MAD1L1: variants seen among roughly 807,000 people sequenced by gnomAD.
MAD1L1 encodes mitotic arrest deficient 1 like 1, also known as mitotic spindle assembly checkpoint protein MAD1.
A neutral mutation model predicts 96.9 loss-of-function variants in MAD1L1; 95 were observed. The ratio of observed to expected loss-of-function variants is 0.98; its 90% confidence interval spans 0.83 to 1.16. The LOEUF (loss-of-function observed/expected upper bound fraction) is 1.16. Among genes scored for constraint, MAD1L1 ranks in the 50% most tolerant of loss-of-function variants. MAD1L1 has a pLI of 0.00. For missense variants in MAD1L1, 1,007 were observed against 954.4 expected (o/e 1.06, Z -0.73); for synonymous variants, 473 against 396.6 (o/e 1.19, Z -2.29).
intron 11 of MAD1L1, among the ~76,000 whole-genome samples, chr7:2,092,254 C>T (rs538524931): frequency 1.3e-5 from 2 of 152,234 alleles, no homozygotes; most frequent in Admixed American, 1.3e-4. Flanking sequence ...TCCTGAGCAT[C>T]CTCTTTTTAT....
intron 10 of MAD1L1, among the ~76,000 whole-genome samples, chr7:2,188,846 A>C (rs942560860): frequency 6.6e-6 from 1 of 152,232 alleles, no homozygotes; most frequent in Admixed American, 6.5e-5. Context: ...ATCTTGGTAA[A>C]TTTTTAAATT....
chr7:1,914,856 C>T (rs930820118), intron 17 of MAD1L1, among the ~76,000 whole-genome samples: 1 of 152,194 alleles, frequency 6.6e-6, no homozygotes, highest in Non-Finnish European at 1.5e-5. Flanking sequence ...CTGGCAATCC[C>T]CTGTACCTGG....
intron 15 of MAD1L1, among the ~76,000 whole-genome samples, chr7:1,977,188 T>A (rs1459981513): frequency 6.6e-6 from 1 of 152,234 alleles, no homozygotes; most frequent in African/African-American, 2.4e-5. Flanking sequence ...GAGGCTGGGC[T>A]GCGTGGGAGC....
intron 10 of MAD1L1, among the ~76,000 whole-genome samples, chr7:2,153,549 C>T (rs1789682507): frequency 6.6e-6 from 1 of 152,162 alleles, no homozygotes; most frequent in African/African-American, 2.4e-5. Context: ...AACACACAGA[C>T]AGATGCTGGT....
chr7:1,869,094 C>A (rs538215918), intron 18 of MAD1L1, among the ~76,000 whole-genome samples: 1 of 152,136 alleles, frequency 6.6e-6, no homozygotes, highest in African/African-American at 2.4e-5. Flanking sequence ...CGGTGAGGCC[C>A]GGGACGGGAA....
intron 18 of MAD1L1, among the ~76,000 whole-genome samples, chr7:1,835,691 C>T (rs1782907119): frequency 6.6e-6 from 1 of 152,042 alleles, no homozygotes; most frequent in African/African-American, 2.4e-5. Context: ...TGAGTCCATA[C>T]AGTGAAGTGA....
intron 16 of MAD1L1, among the ~76,000 whole-genome samples, chr7:1,946,890 G>C (rs561906004): frequency 6.6e-6 from 1 of 152,246 alleles, no homozygotes; most frequent in Non-Finnish European, 1.5e-5. Flanking sequence ...AGGAGGCCTC[G>C]GCCTCGACGG....
chr7:2,182,860 G>C (rs1186330008), intron 10 of MAD1L1, among the ~76,000 whole-genome samples: 7 of 152,168 alleles, frequency 4.6e-5, no homozygotes, highest in African/African-American at 1.7e-4. Context: ...ACAATCTTCT[G>C]GAATTAGACA....
intron 11 of MAD1L1, among the ~76,000 whole-genome samples, chr7:2,137,330 C>T (rs144924272): frequency 3.1e-4 from 47 of 152,332 alleles, no homozygotes; most frequent in African/African-American, 1.1e-3. Flanking sequence ...GAAAGATGTT[C>T]GCTTGCAAAG....
At chr7:2,004,191 G>A (rs1350834202) in intron 13 of MAD1L1, among the ~76,000 whole-genome samples, 1 of 152,174 alleles carries the variant, frequency 6.6e-6, no homozygotes, top group Non-Finnish European at 1.5e-5. Flanking sequence ...GCCCAAACAG[G>A]GGGGACGACA....
At chr7:2,056,781 C>A (rs755449838) in intron 12 of MAD1L1, among the ~76,000 whole-genome samples, 31 of 152,336 alleles carry the variant, frequency 2.0e-4, no homozygotes, top group Non-Finnish European at 3.8e-4. Flanking sequence ...CAGAAACCTA[C>A]ACAAGCGGCC....
chr7:1,973,727 G>A (rs1418005850), intron 15 of MAD1L1, among the ~76,000 whole-genome samples: 1 of 152,158 alleles, frequency 6.6e-6, no homozygotes, highest in Non-Finnish European at 1.5e-5. Flanking sequence ...TCTGACATGG[G>A]GTCCTGGGGG....
intron 14 of MAD1L1, among the ~76,000 whole-genome samples, chr7:1,985,630 A>G (rs1781899089): frequency 6.6e-6 from 1 of 152,152 alleles, no homozygotes. Context: ...CCATCCTGAC[A>G]CTTCTTTTTG....
At chr7:1,951,768 C>T (rs1272262507) in intron 16 of MAD1L1, among the ~76,000 whole-genome samples, 3 of 152,130 alleles carry the variant, frequency 2.0e-5, no homozygotes, top group Non-Finnish European at 4.4e-5. Flanking sequence ...TGTCGGGACG[C>T]GCCTCCTCCT....
At chr7:2,213,688 C>G (rs537441299) in intron 9 of MAD1L1, among the ~76,000 whole-genome samples, 2 of 152,200 alleles carry the variant, frequency 1.3e-5, no homozygotes, top group African/African-American at 4.8e-5. Flanking sequence ...CTGGAGCAGA[C>G]AGACTCAGTC....
At chr7:1,819,766 C>CTCTCCACACACCACTT (rs960041381) in intron 18 of MAD1L1, among the ~76,000 whole-genome samples, 1 of 152,084 alleles carries the variant, frequency 6.6e-6, no homozygotes, top group Non-Finnish European at 1.5e-5. Context: ...ACCACCAACT[C>CTCTCCACACACCACTT]TCTCCACACA....
intron 18 of MAD1L1, among the ~76,000 whole-genome samples, chr7:1,896,197 C>T (rs1303553297): frequency 6.6e-6 from 1 of 152,232 alleles, no homozygotes; most frequent in Non-Finnish European, 1.5e-5. Flanking sequence ...GAGAGGGCTC[C>T]AAGGCGGAAA....
chr7:1,943,628 G>A (rs1473029842), intron 16 of MAD1L1, among the ~76,000 whole-genome samples: 1 of 152,174 alleles, frequency 6.6e-6, no homozygotes, highest in Non-Finnish European at 1.5e-5. Flanking sequence ...TGGTGAGGAT[G>A]GGGATAAACT....
intron 16 of MAD1L1, among the ~76,000 whole-genome samples, chr7:1,948,674 T>C (rs1323559689): frequency 1.3e-5 from 2 of 152,154 alleles, no homozygotes; most frequent in Non-Finnish European, 2.9e-5. Context: ...TGTGGTTCCA[T>C]AGCAGAGAAA....
Sources: gnomAD v4.1 joint callset for allele counts (sites outside exome capture counted in the v4.1 genomes callset) on GRCh38, gnomAD v4.1.1 for gene constraint, MANE v1.5 for transcripts, NCBI Gene and HGNC (gene_info 2026-07-23, HGNC 2026-07-21) for gene names.